The following NAV1 variants were observed in gnomAD, a reference collection of about 807,000 sequenced individuals.
NAV1 encodes the protein pore membrane and/or filament interacting like protein 3.
A neutral mutation model predicts 175.2 loss-of-function variants in NAV1; 18 were observed. The observed-to-expected ratio is 0.10, with a 90% CI of 0.07 to 0.15. The LOEUF (loss-of-function observed/expected upper bound fraction) is 0.15. Among genes scored for constraint, NAV1 ranks in the 10% least tolerant of loss-of-function variants. The pLI is 1.00. For missense variants in NAV1, 1,731 were observed against 2,436.6 expected (o/e 0.71, Z 6.10); for synonymous variants, 897 against 978.7 (o/e 0.92, Z 1.56).
intron 2 of NAV1, among the ~76,000 whole-genome samples, chr1:201,611,036 C>T (rs1223584456): frequency 1.3e-5 from 2 of 152,134 alleles, no homozygotes; most frequent in East Asian, 3.9e-4. Flanking sequence ...GCCAGCCAGG[C>T]CGGCGCTGGG....
rs76757265 is a variant in NAV1 at position 201,569,561 on chromosome 1, C to T, written c.-143-18978C>T. On this transcript the variant is annotated intron_variant, in intron 1 of 33. Coordinates refer to the NAV1 transcript ENST00000685211. Reference sequence around the variant, plus strand: ...GCCATCTTTCTGCCATCCTTCCCAGCTGACATCATATAAGATGCTCCAGGT... The same window carrying T: ...GCCATCTTTCTGCCATCCTTCCCAGTTGACATCATATAAGATGCTCCAGGT... Among the ~76,000 whole-genome samples the T allele has an allele frequency of 6.6e-3, 1,012 of 152,316 alleles. 46 individuals carry two copies. The highest frequency in any genetic ancestry group is 0.055 in the Admixed American group (838 of 15,296).
At chr1:201,766,143 C>T (rs1202565676) in intron 3 of NAV1, among the ~76,000 whole-genome samples, 1 of 152,170 alleles carries the variant, frequency 6.6e-6, no homozygotes, top group Non-Finnish European at 1.5e-5. Flanking sequence ...GTCCTTTCTT[C>T]TTGGTGATTT....
intron 1 of NAV1, among the ~76,000 whole-genome samples, chr1:201,684,940 C>G: frequency 6.9e-6 from 1 of 144,320 alleles, no homozygotes; most frequent in African/African-American, 2.6e-5. Flanking sequence ...CCAGCCTGGG[C>G]GACAGAGCAA....
At chr1:201,679,007 G>A (rs1321773408) in intron 1 of NAV1, among the ~76,000 whole-genome samples, 1 of 152,164 alleles carries the variant, frequency 6.6e-6, no homozygotes, top group Non-Finnish European at 1.5e-5. Flanking sequence ...GAAGGGAGGA[G>A]GTGGTTAGGA....
rs916763111 is a variant in NAV1 at position 201,539,317 on chromosome 1, C to G, written c.-169C>G. On this transcript the variant is annotated 5_prime_UTR_variant, in exon 1 of 34. Coordinates refer to the NAV1 transcript ENST00000685211. The surrounding 1 kb of genome is among the most constrained non-coding windows in gnomAD (Gnocchi z 5.6). ...ACTCTGCGCGGCTGCGGCGCGGACC[C>G]GGAGCCCGGGCGGGCAGGCGCTCCG... is the stretch of plus-strand genomic sequence containing the variant. Among the ~76,000 whole-genome samples the G allele has an allele frequency of 6.6e-6, 1 of 151,904 alleles. No individual in the cohort carries two copies. Among genetic ancestry groups the G allele is most frequent in the Admixed American group, 6.6e-5 (1 of 15,230 alleles).
chr1:201,739,701 A>C, intron 3 of NAV1: 2 of 977,868 alleles, frequency 2.0e-6, no homozygotes, highest in Non-Finnish European at 1.3e-6. Flanking sequence ...TTCCGAGGCC[A>C]CCGGAACGGA....
chr1:201,659,546 G>A (rs912554645), intron 1 of NAV1, among the ~76,000 whole-genome samples: 7 of 152,172 alleles, frequency 4.6e-5, no homozygotes, highest in Non-Finnish European at 1.0e-4. Flanking sequence ...CTTGAGCCTA[G>A]GAAGTTGAAA....
At position 201,782,523 on chromosome 1, in the gene NAV1, C is replaced by T. The variant is rs756860815; in HGVS notation, c.2011C>T (p.Arg671Cys). ...TGGAGCCCGTTCTAACATCCAGTAC[C>T]GCAGCCTGCCCCGGCCAGCCAAGTC... Residue 671 changes from arginine to cysteine, a missense_variant, in exon 6 of 30, where the codon CGC becomes TGC. Around this residue, in one of 13 missense-constraint regions of NAV1, gnomAD observed 634 missense variants for 766.8 expected, o/e 0.83. Transcript: ENST00000367296. This position sits in a 1 kb window ranked among gnomAD's most constrained non-coding sequence, Gnocchi z 5.4. 5.6e-6 allele frequency: 9 copies of T among 1,612,084 alleles called. No homozygotes were observed. The highest frequency in any genetic ancestry group is 1.3e-5 in the African/African-American group (1 of 74,994).
At chr1:201,695,055 C>G (rs1364257851) in intron 1 of NAV1, among the ~76,000 whole-genome samples, 1 of 152,218 alleles carries the variant, frequency 6.6e-6, no homozygotes, top group African/African-American at 2.4e-5. Context: ...GTGCTCATGT[C>G]GCTTGTCCAC....
intron 3 of NAV1, among the ~76,000 whole-genome samples, chr1:201,731,318 C>G (rs997825592): frequency 5.5e-4 from 83 of 152,046 alleles, no homozygotes; most frequent in African/African-American, 3.1e-4. Context: ...ACAAGATCGA[C>G]TGTTTGAGGA....
At chr1:201,630,458 G>A (rs961649388) in intron 2 of NAV1, among the ~76,000 whole-genome samples, 9 of 152,176 alleles carry the variant, frequency 5.9e-5, no homozygotes, top group African/African-American at 1.9e-4. Context: ...TGAGATCACC[G>A]GACAGGATGG....
chr1:201,771,248 A>AAC (rs1038953270), intron 3 of NAV1, among the ~76,000 whole-genome samples: 2 of 151,108 alleles, frequency 1.3e-5, no homozygotes, highest in African/African-American at 4.9e-5. Flanking sequence ...CAAAAAAAAA[A>AAC]AAAAAAACAT....
chr1:201,805,229 G>A (rs1678201086), intron 17 of NAV1, among the ~76,000 whole-genome samples: 1 of 152,206 alleles, frequency 6.6e-6, no homozygotes, highest in African/African-American at 2.4e-5. Flanking sequence ...TAAGAAGGCT[G>A]CAGTATTACT....
At chr1:201,754,207 C>T (rs1349561717) in intron 3 of NAV1, among the ~76,000 whole-genome samples, 3 of 152,140 alleles carry the variant, frequency 2.0e-5, no homozygotes, top group African/African-American at 4.8e-5. Flanking sequence ...ATACCCTATA[C>T]AGGAAGATAC....
At chr1:201,647,807 T>C (rs144745309), upstream of NAV1, among the ~76,000 whole-genome samples, 346 of 151,670 alleles carry the variant, frequency 2.3e-3, 2 homozygotes, top group African/African-American at 8.0e-3. Flanking sequence ...TCCCGACATC[T>C]CTCTCAGGCC....
intron 1 of NAV1, chr1:201,673,845 G>C (rs138285651): frequency 6.6e-6 from 1 of 152,384 alleles, no homozygotes; most frequent in African/African-American, 2.4e-5. Flanking sequence ...ATGTCGAAGA[G>C]AAGCTATTGA....
chr1:201,612,419 AC>A (rs1300173933), intron 2 of NAV1, among the ~76,000 whole-genome samples: 9 of 152,188 alleles, frequency 5.9e-5, no homozygotes, highest in African/African-American at 2.2e-4. Flanking sequence ...ACGCCACTGC[AC>A]TCCAGCCTGG....
chr1:201,738,661 A>T (rs1673220706), intron 3 of NAV1, among the ~76,000 whole-genome samples: 1 of 152,116 alleles, frequency 6.6e-6, no homozygotes, highest in Admixed American at 6.5e-5. Context: ...CTCTCCCTTA[A>T]CATCTGTAAA....
chr1:201,555,518 AG>A (rs1665984939), intron 1 of NAV1, among the ~76,000 whole-genome samples: 1 of 152,052 alleles, frequency 6.6e-6, no homozygotes, highest in Admixed American at 6.5e-5. Flanking sequence ...GGAAGTCAGG[AG>A]GGTAAGCCAG....
Sources: allele counts gnomAD v4.1 joint callset (sites outside exome capture counted in the v4.1 genomes callset), GRCh38; gene constraint gnomAD v4.1.1; regional missense constraint gnomAD v4.1.1; non-coding constraint Gnocchi (gnomAD v3.1); transcripts MANE v1.5; gene names NCBI Gene and HGNC (gene_info 2026-07-23, HGNC 2026-07-21).